TMCO6: variants seen among roughly 807,000 people sequenced by gnomAD.
The protein encoded by TMCO6 is transmembrane and coiled-coil domains 6.
A neutral mutation model predicts 61.8 loss-of-function variants in TMCO6; 47 were observed. The ratio of observed to expected loss-of-function variants is 0.76; its 90% CI spans 0.60 to 0.97. The LOEUF (loss-of-function observed/expected upper bound fraction) is 0.97, where lower values mean the gene tolerates loss of function less well. Among genes scored for constraint, TMCO6 ranks in the 50% least tolerant of loss-of-function variants. The pLI is 0.00. For synonymous variants in TMCO6, 261 were observed against 254.2 expected, an observed-to-expected ratio of 1.03 and a Z score of -0.25; for missense variants, 557 against 601.6, an observed-to-expected ratio of 0.93 and a Z score of 0.78.
the TMCO6 span, chr5:140,632,224 G>C: frequency 6.2e-7 from 1 of 1,613,636 alleles, no homozygotes; most frequent in African/African-American, 1.3e-5. This position sits in a 1 kb window ranked among gnomAD's most constrained non-coding sequence, Gnocchi z 6.2. Context: ...CTGAGGTCTA[G>C]GCTGTGGGGC....
chr5:140,645,531 T>G, downstream of TMCO6: 7 of 1,604,968 alleles, frequency 4.4e-6, no homozygotes, highest in Non-Finnish European at 6.0e-6. Flanking sequence ...CACATTATAC[T>G]AAGTCCAGCA....
downstream of TMCO6, chr5:140,647,010 T>C: frequency 8.7e-6 from 4 of 460,070 alleles, 1 homozygote; most frequent in South Asian, 1.4e-4. Flanking sequence ...CATTCTTAAC[T>C]ACAAAAACGT....
At chr5:140,603,120 T>C in the TMCO6 span, among the ~76,000 whole-genome samples, 1 of 152,140 alleles carries the variant, frequency 6.6e-6, no homozygotes, top group Non-Finnish European at 1.5e-5. Flanking sequence ...TTTTCCATCA[T>C]GCCCAAAACA....
the TMCO6 span, chr5:140,633,032 G>C: frequency 6.2e-7 from 1 of 1,613,482 alleles, no homozygotes; most frequent in South Asian, 1.1e-5. Context: ...TGTGGCTCCC[G>C]AGTGGCACGC....
chr5:140,625,042 C>T, the TMCO6 span, among the ~76,000 whole-genome samples: 1 of 151,734 alleles, frequency 6.6e-6, no homozygotes, highest in African/African-American at 2.4e-5. Context: ...TTAGTAGAAA[C>T]GGGGTTTCAC....
chr5:140,631,720 A>G, the TMCO6 span: 2 of 819,772 alleles, frequency 2.4e-6, no homozygotes, highest in Non-Finnish European at 2.0e-6. Context: ...TGTTAAATGA[A>G]TGACACGGAC....
At chr5:140,623,472 A>C in the TMCO6 span, among the ~76,000 whole-genome samples, 1 of 151,656 alleles carries the variant, frequency 6.6e-6, no homozygotes, top group African/African-American at 2.4e-5. Flanking sequence ...TTTGGATGTT[A>C]ATCTGACTGG....
the TMCO6 span, among the ~76,000 whole-genome samples, chr5:140,618,700 A>G: frequency 3.9e-5 from 6 of 152,148 alleles, no homozygotes; most frequent in African/African-American, 1.4e-4. Context: ...CTTTGTGTTC[A>G]TAAGTTCTTA....
downstream of TMCO6, chr5:140,645,758 A>G (rs774082572): frequency 1.5e-5 from 24 of 1,601,984 alleles, no homozygotes; most frequent in African/African-American, 2.8e-4. Context: ...CTTTGTCTTT[A>G]TCTTAGTCTT....
At chr5:140,622,289 T>C in the TMCO6 span, among the ~76,000 whole-genome samples, 8 of 152,192 alleles carry the variant, frequency 5.3e-5, no homozygotes, top group African/African-American at 9.7e-5. Flanking sequence ...TCAACGTGAA[T>C]ATCGGGGCAG....
At chr5:140,642,238 A>G in intron 4 of TMCO6, 77 bp from the exon 5 acceptor site, 1 of 1,432,046 alleles carries the variant, frequency 7.0e-7, no homozygotes, top group Non-Finnish European at 9.5e-7. Flanking sequence ...CGTCCCCATC[A>G]CCTCCCCTCC....
chr5:140,599,664 G>A, the TMCO6 span, among the ~76,000 whole-genome samples: 1 of 152,212 alleles, frequency 6.6e-6, no homozygotes. Flanking sequence ...ACTTTGGGAG[G>A]CCGAAGAGGG....
At position 140,642,308 on chromosome 5, in the gene TMCO6, T is replaced by C. The variant is rs1304480575; in HGVS notation, c.499-7T>C. ...CCAAGCCCAGTGCTTTTGTTGCCTG[T>C]TCTCAGGAGCTGTGTCTGTATACAC... On this transcript the variant is annotated splice_polypyrimidine_tract_variant and splice_region_variant and intron_variant, in intron 4 of 11. Coordinates refer to ENST00000394671, the MANE Select transcript of TMCO6 (RefSeq NM_018502.5). The C allele has an allele frequency of 6.2e-7, 1 of 1,606,174 alleles. No homozygotes were observed. Among genetic ancestry groups the C allele is most frequent in the African/African-American group, 1.3e-5 (1 of 74,742 alleles).
chr5:140,645,489 GC>G (rs766619434), downstream of TMCO6: 5 of 1,477,926 alleles, frequency 3.4e-6, no homozygotes, highest in South Asian at 4.6e-5. Flanking sequence ...TACAGCACAA[GC>G]TTTATGAGGA....
chr5:140,635,372 C>T (rs1756745368), upstream of TMCO6, among the ~76,000 whole-genome samples: 1 of 152,200 alleles, frequency 6.6e-6, no homozygotes, highest in Admixed American at 6.5e-5. Flanking sequence ...GATAGTATTA[C>T]CTGTTTGTGA....
At chr5:140,642,226 A>C (rs1757083588) in intron 4 of TMCO6, 89 bp from the exon 5 acceptor site, 1 of 1,403,184 alleles carries the variant, frequency 7.1e-7, no homozygotes, top group African/African-American at 1.4e-5. Flanking sequence ...TAGCTGCTCC[A>C]GCGTCCCCAT....
At chr5:140,647,409 C>T (rs553292474), downstream of TMCO6, 1 of 1,610,882 alleles carries the variant, frequency 6.2e-7, no homozygotes, top group East Asian at 2.2e-5. Context: ...CGGGGGCTTC[C>T]CTCAACTTCA....
At chr5:140,614,323 A>G in the TMCO6 span, among the ~76,000 whole-genome samples, 163 of 152,196 alleles carry the variant, frequency 1.1e-3, 1 homozygote, top group African/African-American at 3.7e-3. Flanking sequence ...AGCCTGACCA[A>G]CATGGAGAAA....
intron 2 of TMCO6, 113 bp downstream of exon 2, chr5:140,639,964 TC>T: frequency 1.2e-6 from 1 of 840,140 alleles, no homozygotes; most frequent in Non-Finnish European, 1.9e-6. Context: ...CTTCCACGCA[TC>T]CAGTGGGTCA....
Sources: gnomAD v4.1 joint callset for allele counts (sites outside exome capture counted in the v4.1 genomes callset) on GRCh38, gnomAD v4.1.1 for gene constraint, Gnocchi (gnomAD v3.1) non-coding constraint, MANE v1.5 for transcripts, NCBI Gene and HGNC (gene_info 2026-07-23, HGNC 2026-07-21) for gene names.